ITPK1: variants seen among roughly 807,000 people sequenced by gnomAD.
ITPK1 encodes inositol 1,3,4-trisphosphate 5/6-kinase.
ITPK1 carries 21 observed loss-of-function variants against 45.3 expected under a neutral mutation model. The ratio of observed to expected loss-of-function variants is 0.46; its 90% CI spans 0.33 to 0.67. The LOEUF (loss-of-function observed/expected upper bound fraction) is 0.67. ITPK1 is among the 30% of genes least tolerant of loss of function. The pLI, the probability that ITPK1 is intolerant of heterozygous loss-of-function variation, is 0.02. For missense variants in ITPK1, 474 were observed against 573.5 expected, an observed-to-expected ratio of 0.83 and a Z score of 1.77; for synonymous variants, 258 against 253.6, an observed-to-expected ratio of 1.02 and a Z score of -0.16.
intron 5 of ITPK1, among the ~76,000 whole-genome samples, chr14:92,981,298 C>A (rs903697671): frequency 6.6e-6 from 1 of 152,204 alleles, no homozygotes; most frequent in Non-Finnish European, 1.5e-5. Flanking sequence ...CCTCTCTCCC[C>A]GCATAGGCTA....
intron 2 of ITPK1, among the ~76,000 whole-genome samples, chr14:93,088,341 GTT>G (rs1179019290): frequency 8.3e-5 from 11 of 132,698 alleles, no homozygotes; most frequent in Non-Finnish European, 1.5e-4. Flanking sequence ...GTTTTGTTTT[GTT>G]TTTTTTTTTT....
chr14:92,952,399 C>G (rs1449992305), intron 8 of ITPK1, among the ~76,000 whole-genome samples: 1 of 152,166 alleles, frequency 6.6e-6, no homozygotes, highest in Non-Finnish European at 1.5e-5. Context: ...ATCAAAGCAG[C>G]CTCTTGGTGT....
intron 3 of ITPK1, among the ~76,000 whole-genome samples, chr14:93,038,303 G>A (rs1889405401): frequency 6.6e-6 from 1 of 152,088 alleles, no homozygotes; most frequent in Admixed American, 6.5e-5. Flanking sequence ...CCAAAGTACT[G>A]GGATTATAGG....
At chr14:93,030,655 G>A (rs1888994320) in intron 3 of ITPK1, among the ~76,000 whole-genome samples, 1 of 152,136 alleles carries the variant, frequency 6.6e-6, no homozygotes, top group South Asian at 2.1e-4. Context: ...TCAATGAAGT[G>A]CAGAGGGCAT....
intron 4 of ITPK1, among the ~76,000 whole-genome samples, chr14:93,015,648 T>C (rs1006053030): frequency 6.6e-6 from 1 of 152,214 alleles, no homozygotes; most frequent in Non-Finnish European, 1.5e-5. Flanking sequence ...GGACATGCCC[T>C]GCCCCCAAGC....
At chr14:93,045,360 A>G (rs1566753508) in intron 3 of ITPK1, among the ~76,000 whole-genome samples, 1 of 152,226 alleles carries the variant, frequency 6.6e-6, no homozygotes, top group African/African-American at 2.4e-5. Context: ...GTGACCCTGA[A>G]GAGCACTGCC....
At chr14:93,069,404 A>G (rs369943683) in intron 3 of ITPK1, 2 of 154,486 alleles carry the variant, frequency 1.3e-5, no homozygotes, top group Non-Finnish European at 2.9e-5. Context: ...AGCCATTGGC[A>G]GCCAAAGGAC....
intron 5 of ITPK1, among the ~76,000 whole-genome samples, chr14:92,972,962 A>G (rs1885733998): frequency 6.6e-6 from 1 of 152,140 alleles, no homozygotes; most frequent in Non-Finnish European, 1.5e-5. Context: ...TGTCCCCACT[A>G]TATCTCTGGG....
At position 93,039,440 on chromosome 14, in the gene ITPK1, C is replaced by T. The variant is rs1889465851; in HGVS notation, c.121-22639G>A. On this transcript the variant is annotated intron_variant, in intron 3 of 10. Transcript: ENST00000267615. ...GGAGAATCACTTGAGCCTAGGAGTT[C>T]AAGATCAGCCTGGGCAACACAGCAA... Among the ~76,000 whole-genome samples, 3 of 152,112 alleles carry T rather than the reference C, an allele frequency of 2.0e-5. No homozygotes were observed. In the South Asian group the frequency reaches 6.2e-4, roughly 32 times the overall value.
At chr14:93,085,946 AG>A (rs1206031632) in intron 2 of ITPK1, among the ~76,000 whole-genome samples, 2 of 152,050 alleles carry the variant, frequency 1.3e-5, no homozygotes, top group Non-Finnish European at 2.9e-5. Flanking sequence ...GGGTGCTGGC[AG>A]GCTTGGTTCT....
chr14:92,967,038 G>C (rs551636720), intron 5 of ITPK1, among the ~76,000 whole-genome samples: 6 of 152,298 alleles, frequency 3.9e-5, no homozygotes, highest in African/African-American at 1.4e-4. Flanking sequence ...TTAGGCAATG[G>C]CTTCTTAGAC....
At chr14:93,047,021 A>G (rs1249613146) in intron 3 of ITPK1, among the ~76,000 whole-genome samples, 1 of 152,236 alleles carries the variant, frequency 6.6e-6, no homozygotes, top group African/African-American at 2.4e-5. Flanking sequence ...GCAGAGTTAA[A>G]GAATGGAAGT....
At chr14:93,091,488 G>A (rs1030786411) in intron 2 of ITPK1, among the ~76,000 whole-genome samples, 2 of 152,198 alleles carry the variant, frequency 1.3e-5, no homozygotes, top group Non-Finnish European at 2.9e-5. Context: ...AATCTTCAGG[G>A]CCTTTGATAT....
In ITPK1 at chr14:92,958,573, G is replaced by A. The variant is rs547073212; in HGVS notation, c.505-207C>T. On this transcript the variant is annotated intron_variant, in intron 7 of 10. Transcript: ENST00000267615. The surrounding 1 kb of genome is among the most constrained non-coding windows in gnomAD (Gnocchi z 4.4). ...GGGGATGCATCCCTTCTGCCACGGG[G>A]TTGGAGATCCTCCCTTCACCGGGCC... 1.3e-5 allele frequency among the ~76,000 whole-genome samples: 2 copies of A among 152,176 alleles called. No individual in the cohort carries two copies. The highest frequency in any genetic ancestry group is 2.9e-5 in the Non-Finnish European group (2 of 68,030).
rs193264082 is a variant in ITPK1 at position 92,966,976 on chromosome 14, G to C, written c.365-4127C>G. On this transcript the variant is annotated intron_variant, in intron 5 of 10. Coordinates refer to ENST00000267615, the MANE Select transcript of ITPK1 (RefSeq NM_014216.6). ...GATCATGATCTCATTATAACAGCTA[G>C]AACTACAAAACTTTAAAAGAAAACA... Among the ~76,000 whole-genome samples the C allele has an allele frequency of 1.1e-4, 16 of 152,278 alleles. No homozygotes were observed. In the East Asian group the frequency reaches 2.7e-3, roughly 26 times the overall value.
At chr14:92,993,394 T>C (rs1886890376) in intron 5 of ITPK1, among the ~76,000 whole-genome samples, 1 of 152,162 alleles carries the variant, frequency 6.6e-6, no homozygotes, top group Non-Finnish European at 1.5e-5. Flanking sequence ...AGCCTGCAGC[T>C]GGCAGGGGAG....
intron 3 of ITPK1, among the ~76,000 whole-genome samples, chr14:93,052,052 G>C (rs1427224450): frequency 6.6e-6 from 1 of 152,206 alleles, no homozygotes; most frequent in Non-Finnish European, 1.5e-5. Context: ...GAGGGGCCAC[G>C]TGGTGGAAGG....
chr14:93,001,967 G>T (rs1473545676), intron 4 of ITPK1, among the ~76,000 whole-genome samples: 1 of 152,194 alleles, frequency 6.6e-6, no homozygotes, highest in East Asian at 1.9e-4. Context: ...CCACGCACGG[G>T]TCACAGACCT....
intron 3 of ITPK1, among the ~76,000 whole-genome samples, chr14:93,021,941 C>T (rs1466968129): frequency 4.6e-5 from 7 of 152,184 alleles, no homozygotes; most frequent in Admixed American, 3.9e-4. Flanking sequence ...TGGGAAGAAA[C>T]GGCAAACTCG....
Sources: allele counts gnomAD v4.1 joint callset (sites outside exome capture counted in the v4.1 genomes callset), GRCh38; gene constraint gnomAD v4.1.1; non-coding constraint Gnocchi (gnomAD v3.1); transcripts MANE v1.5; gene names NCBI Gene and HGNC (gene_info 2026-07-23, HGNC 2026-07-21).